The following HLCS variants were observed in gnomAD, a reference collection of about 807,000 sequenced individuals.
HLCS encodes the protein biotin--protein ligase.
Under a neutral mutation model 75.0 loss-of-function variants are expected in HLCS, and 53 were observed. The ratio of observed to expected loss-of-function variants is 0.71; its 90% CI spans 0.57 to 0.89. The LOEUF is 0.89. Among genes scored for constraint, HLCS ranks in the 40% least tolerant of loss-of-function variants. The pLI, the probability that HLCS is intolerant of heterozygous loss-of-function variation, is 0.00. For synonymous variants in HLCS, 431 were observed against 428.6 expected (o/e 1.01, Z -0.07); for missense variants, 966 against 1,074.0 (o/e 0.90, Z 1.41).
rs577950081 is a variant in HLCS at position 36,882,347 on chromosome 21, G to A, written c.1892+14513C>T. On this transcript the variant is annotated intron_variant, in intron 6 of 10. Coordinates refer to ENST00000674895, the MANE Select transcript of HLCS (RefSeq NM_001352514.2). ...AATCTCACAGATGAGAAACAGACCC[G>A]GAGAGGCTGAGTGATTCACCAACAT... Among the ~76,000 whole-genome samples, 13 of 152,092 alleles carry A rather than the reference G, an allele frequency of 8.5e-5. No individual in the cohort carries two copies. The South Asian group carries it at 2.3e-3, about 27-fold the overall frequency.
intron 6 of HLCS, among the ~76,000 whole-genome samples, chr21:36,794,491 A>G (rs1395158922): frequency 6.6e-6 from 1 of 152,182 alleles, no homozygotes; most frequent in Non-Finnish European, 1.5e-5. Context: ...TTGGAGAGGA[A>G]CAAAAAGGTG....
At chr21:36,954,828 C>A (rs187990356) in intron 2 of HLCS, among the ~76,000 whole-genome samples, 6 of 151,586 alleles carry the variant, frequency 4.0e-5, no homozygotes, top group Admixed American at 3.9e-4. Context: ...TTTGGGAGGC[C>A]GAGGCGGGGG....
At chr21:36,761,070 T>C (rs1429148110) in intron 8 of HLCS, among the ~76,000 whole-genome samples, 1 of 152,238 alleles carries the variant, frequency 6.6e-6, no homozygotes, top group East Asian at 1.9e-4. Context: ...TCTTCCCACG[T>C]TGCAGGCCGG....
intron 6 of HLCS, among the ~76,000 whole-genome samples, chr21:36,778,067 C>T (rs1240715031): frequency 6.6e-6 from 1 of 152,130 alleles, no homozygotes; most frequent in Non-Finnish European, 1.5e-5. Context: ...CTCCCGGGTT[C>T]ACACCATTCT....
chr21:36,856,223 T>C (rs913753142), intron 6 of HLCS, among the ~76,000 whole-genome samples: 13 of 152,228 alleles, frequency 8.5e-5, no homozygotes, highest in Admixed American at 2.6e-4. Flanking sequence ...GGTTGAATTG[T>C]ATGGGATGTG....
chr21:36,818,827 C>A (rs773519364), intron 6 of HLCS, among the ~76,000 whole-genome samples: 1 of 152,164 alleles, frequency 6.6e-6, no homozygotes, highest in African/African-American at 2.4e-5. Context: ...TTTATACAGG[C>A]ATTTACTGCA....
At chr21:36,874,091 G>C (rs2063866127) in intron 6 of HLCS, among the ~76,000 whole-genome samples, 1 of 152,172 alleles carries the variant, frequency 6.6e-6, no homozygotes, top group Non-Finnish European at 1.5e-5. Flanking sequence ...GTGAAGTACA[G>C]CACAAGATTC....
intron 6 of HLCS, among the ~76,000 whole-genome samples, chr21:36,824,594 A>C (rs2061950177): frequency 6.6e-6 from 1 of 152,184 alleles, no homozygotes; most frequent in African/African-American, 2.4e-5. Flanking sequence ...CTTAAAGCAA[A>C]AAACAAACAA....
intron 2 of HLCS, among the ~76,000 whole-genome samples, chr21:36,958,860 A>C (rs1036026297): frequency 2.0e-5 from 3 of 152,368 alleles, no homozygotes; most frequent in Non-Finnish European, 4.4e-5. Context: ...AATGTCATTT[A>C]ATCTTATAAC....
At chr21:36,801,284 T>A (rs1376505414) in intron 6 of HLCS, among the ~76,000 whole-genome samples, 1 of 152,184 alleles carries the variant, frequency 6.6e-6, no homozygotes, top group African/African-American at 2.4e-5. Flanking sequence ...AACTGACCGC[T>A]AGAAATTGAT....
intron 1 of HLCS, chr21:36,973,823 C>G (rs1189782216): frequency 6.6e-6 from 1 of 152,186 alleles, no homozygotes; most frequent in Non-Finnish European, 1.5e-5. Context: ...AACCCCGTCT[C>G]TACTAAAAAT....
intron 2 of HLCS, among the ~76,000 whole-genome samples, chr21:36,945,852 T>C (rs2067368063): frequency 6.6e-6 from 1 of 151,968 alleles, no homozygotes; most frequent in Non-Finnish European, 1.5e-5. Context: ...GTCCAGGCAG[T>C]TTGTTTGTCT....
At position 36,828,043 on chromosome 21, in the gene HLCS, G is replaced by A. The variant is rs556044163; in HGVS notation, c.1893-60758C>T. On this transcript the variant is annotated intron_variant, in intron 6 of 10. Transcript: ENST00000674895. ...TTAGCCAGGATGGTCTTGATCTCCT[G>A]ACCTCGTGATCTGCCTGCCTTGGCC... Among the ~76,000 whole-genome samples, 3 of 152,156 alleles carry A rather than the reference G, an allele frequency of 2.0e-5. No individual in the cohort carries two copies. In the East Asian group the frequency reaches 5.8e-4, roughly 29 times the overall value.
At chr21:36,918,631 A>G (rs2066032274) in intron 5 of HLCS, among the ~76,000 whole-genome samples, 2 of 152,246 alleles carry the variant, frequency 1.3e-5, no homozygotes, top group African/African-American at 2.4e-5. Flanking sequence ...GCATGCAGAA[A>G]AGAGAGGGTG....
intron 6 of HLCS, among the ~76,000 whole-genome samples, chr21:36,785,996 A>C (rs1242235692): frequency 2.0e-5 from 3 of 152,156 alleles, no homozygotes; most frequent in Non-Finnish European, 4.4e-5. Flanking sequence ...TGAGAGCTGC[A>C]GGTATCGACT....
chr21:36,754,117 CAG>C lies in HLCS; in HGVS notation c.*127_*128del, dbSNP rs2089462115. 9.7e-7 allele frequency: 1 copy of C among 1,032,220 alleles called. No individual in the cohort carries two copies. Among genetic ancestry groups the C allele is most frequent in the Non-Finnish European group, 1.4e-6 (1 of 695,104 alleles). 63.9% of individuals were successfully genotyped at this position (1,032,220 alleles called of 1,614,324 possible). On this transcript the variant is annotated 3_prime_UTR_variant, in exon 11 of 11. Transcript: ENST00000674895. ...ACAACAAAACAAACCTAAAAACAAA[CAG>C]AAACACAGAAAAAGAACAAAGACTT...
chr21:36,888,117 G>A (rs2064550928), intron 6 of HLCS, among the ~76,000 whole-genome samples: 1 of 151,960 alleles, frequency 6.6e-6, no homozygotes, highest in South Asian at 2.1e-4. Context: ...TACCAGCCAG[G>A]GTGGAAATGT....
chr21:36,887,740 A>G (rs1485697941), intron 6 of HLCS, among the ~76,000 whole-genome samples: 2 of 152,236 alleles, frequency 1.3e-5, no homozygotes, highest in Non-Finnish European at 2.9e-5. Flanking sequence ...ACATAAAAAA[A>G]TTCGTGCTAA....
intron 6 of HLCS, among the ~76,000 whole-genome samples, chr21:36,849,433 ACT>A (rs2062909804): frequency 6.6e-6 from 1 of 152,310 alleles, no homozygotes; most frequent in East Asian, 1.9e-4. Flanking sequence ...GAAAAGAATG[ACT>A]CTGGCAGCTT....
Sources: allele counts gnomAD v4.1 joint callset (sites outside exome capture counted in the v4.1 genomes callset), GRCh38; gene constraint gnomAD v4.1.1; transcripts MANE v1.5; gene names NCBI Gene and HGNC (gene_info 2026-07-23, HGNC 2026-07-21).